Variants in UMAD1 observed in about 807,000 individuals in gnomAD.
The protein encoded by UMAD1 is UBAP1-MVB12-associated (UMA) domain containing 1, also known as UBAP1-MVB12-associated (UMA)-domain containing protein 1.
Under a neutral mutation model 6.1 loss-of-function variants are expected in UMAD1, and 8 were observed. The ratio of observed to expected loss-of-function variants is 1.30; its 90% CI spans 0.76 to 2.35. The LOEUF (loss-of-function observed/expected upper bound fraction) is 2.35, where lower values mean the gene tolerates loss of function less well. UMAD1 is among the 30% of genes most tolerant of loss of function. The pLI is 0.00. For synonymous variants in UMAD1, 56 were observed against 31.4 expected (o/e 1.78, Z -2.61); for missense variants, 130 against 78.4 (o/e 1.66, Z -2.49).
intron 3 of UMAD1, among the ~76,000 whole-genome samples, chr7:7,821,278 G>C (rs1408448679): frequency 6.6e-6 from 1 of 152,008 alleles, no homozygotes; most frequent in Non-Finnish European, 1.5e-5. Flanking sequence ...TCTGTATTCA[G>C]ATGTAAAATA....
intron 1 of UMAD1, among the ~76,000 whole-genome samples, chr7:7,642,469 ATT>A (rs10595305): frequency 0.51 from 76,206 of 149,968 alleles, 20,396 homozygotes; most frequent in African/African-American, 0.68. Context: ...TGTAATAGTG[ATT>A]TTTTTTTTTT....
At chr7:7,868,312 A>T (rs1185344689) in intron 3 of UMAD1, 1 of 152,188 alleles carries the variant, frequency 6.6e-6, no homozygotes, top group East Asian at 1.9e-4. Flanking sequence ...TCCTCTTTCC[A>T]CCGCGCCCCC....
intron 1 of UMAD1, among the ~76,000 whole-genome samples, chr7:7,663,298 C>G (rs9648615): frequency 0.059 from 8,882 of 151,518 alleles, 340 homozygotes; most frequent in Middle Eastern, 0.14. Flanking sequence ...CTTTGTTTTT[C>G]TTTCATTTTT....
intron 3 of UMAD1, among the ~76,000 whole-genome samples, chr7:7,859,406 T>C (rs1168679147): frequency 3.3e-5 from 5 of 152,238 alleles, no homozygotes; most frequent in Non-Finnish European, 7.3e-5. Context: ...GTCCTTCACA[T>C]AACCTTTGGA....
intron 3 of UMAD1, among the ~76,000 whole-genome samples, chr7:7,817,419 C>G (rs1242698842): frequency 2.0e-5 from 3 of 152,240 alleles, no homozygotes; most frequent in Non-Finnish European, 4.4e-5. Flanking sequence ...AAGTATTACT[C>G]TTAACCATGA....
Position 7,733,167 on chromosome 7 carries a change from G to A in UMAD1, c.82+59714G>A, listed in dbSNP as rs545559276. On this transcript the variant is annotated intron_variant, in intron 2 of 3. Coordinates refer to ENST00000682710, the MANE Select transcript of UMAD1 (RefSeq NM_001302348.2). ...GCAAGTAGCACACGATACCCAGTTG[G>A]TATGTTTGTCCTTTATTTGGATGGA... 2.6e-5 allele frequency among the ~76,000 whole-genome samples: 4 copies of A among 152,206 alleles called. No homozygotes were observed. The East Asian group carries it at 7.7e-4, about 29-fold the overall frequency.
chr7:7,763,150 T>A (rs114748271), intron 2 of UMAD1, among the ~76,000 whole-genome samples: 1,531 of 152,276 alleles, frequency 0.01, 29 homozygotes, highest in African/African-American at 0.035. Flanking sequence ...GTCATAAACA[T>A]AGGTAGTATT....
intron 3 of UMAD1, among the ~76,000 whole-genome samples, chr7:7,820,185 A>G (rs888885503): frequency 2.2e-5 from 1 of 45,306 alleles, no homozygotes; most frequent in Non-Finnish European, 5.8e-5. Context: ...AAAGATGGTG[A>G]TACAGGAGAG....
chr7:7,689,228 C>G (rs940548915), intron 2 of UMAD1: 7 of 152,196 alleles, frequency 4.6e-5, no homozygotes, highest in Admixed American at 3.3e-4. Context: ...CTGAGAGACT[C>G]ATGGGCAGAT....
intron 2 of UMAD1, among the ~76,000 whole-genome samples, chr7:7,782,693 A>G (rs921753385): frequency 6.6e-6 from 1 of 151,892 alleles, no homozygotes; most frequent in Non-Finnish European, 1.5e-5. Context: ...CTGTGCCTAC[A>G]AGCCGAAACA....
At chr7:7,809,111 A>T (rs1419739697) in intron 3 of UMAD1, among the ~76,000 whole-genome samples, 1 of 152,008 alleles carries the variant, frequency 6.6e-6, no homozygotes, top group East Asian at 1.9e-4. Context: ...GAGTAGCAGA[A>T]ATAGTAATTA....
At chr7:7,789,138 G>A (rs1188532524) in intron 2 of UMAD1, among the ~76,000 whole-genome samples, 4 of 152,118 alleles carry the variant, frequency 2.6e-5, no homozygotes, top group Non-Finnish European at 5.9e-5. Context: ...GTACAAAGTG[G>A]TCAAAGTGTG....
chr7:7,675,763 T>TA (rs1779723477), intron 2 of UMAD1, among the ~76,000 whole-genome samples: 1 of 152,156 alleles, frequency 6.6e-6, no homozygotes, highest in Non-Finnish European at 1.5e-5. Flanking sequence ...AGGAATCACT[T>TA]CCGTCGTAGT....
At chr7:7,815,053 A>C (rs1249426396) in intron 3 of UMAD1, among the ~76,000 whole-genome samples, 6 of 152,132 alleles carry the variant, frequency 3.9e-5, no homozygotes, top group Non-Finnish European at 7.4e-5. Context: ...ATGGCTTACC[A>C]GTTGGATTTT....
At chr7:7,735,413 CTT>C (rs71014707) in intron 2 of UMAD1, among the ~76,000 whole-genome samples, 4 of 145,820 alleles carry the variant, frequency 2.7e-5, no homozygotes, top group Non-Finnish European at 4.5e-5. Context: ...ACATCCTCAC[CTT>C]TTTTTTTTTT....
chr7:7,794,789 G>C (rs1282769251), intron 2 of UMAD1, among the ~76,000 whole-genome samples: 2 of 152,168 alleles, frequency 1.3e-5, no homozygotes, highest in Non-Finnish European at 2.9e-5. Flanking sequence ...TACATCCGTA[G>C]AGAATCTCCT....
intron 2 of UMAD1, among the ~76,000 whole-genome samples, chr7:7,788,135 T>G (rs1395418869): frequency 6.6e-6 from 1 of 152,170 alleles, no homozygotes; most frequent in Non-Finnish European, 1.5e-5. Flanking sequence ...GAACTGATAG[T>G]CTGGTGGGAA....
intron 2 of UMAD1, among the ~76,000 whole-genome samples, chr7:7,790,779 A>G (rs1031252816): frequency 1.3e-5 from 2 of 152,256 alleles, no homozygotes; most frequent in African/African-American, 4.8e-5. Context: ...CAGCTTCTGC[A>G]TTCTGAAACT....
At chr7:7,791,112 T>G (rs910937846) in intron 2 of UMAD1, among the ~76,000 whole-genome samples, 1 of 152,180 alleles carries the variant, frequency 6.6e-6, no homozygotes, top group South Asian at 2.1e-4. Flanking sequence ...GGTCTCGAAC[T>G]CCCCACCTCA....
Sources: allele counts gnomAD v4.1 joint callset (sites outside exome capture counted in the v4.1 genomes callset), GRCh38; gene constraint gnomAD v4.1.1; transcripts MANE v1.5; gene names NCBI Gene and HGNC (gene_info 2026-07-23, HGNC 2026-07-21).